The following FSTL5 variants were observed in gnomAD, a reference collection of about 807,000 sequenced individuals.
FSTL5 encodes the protein follistatin like 5.
A neutral mutation model predicts 89.1 loss-of-function variants in FSTL5; 62 were observed. The observed-to-expected ratio is 0.70, with a 90% CI of 0.57 to 0.86. The LOEUF is 0.86. Ranked by LOEUF, FSTL5 falls within the 40% of genes least tolerant of loss-of-function variation. The pLI, the probability that FSTL5 is intolerant of heterozygous loss-of-function variation, is 0.00. For synonymous variants in FSTL5, 383 were observed against 346.2 expected (o/e 1.11, Z -1.18); for missense variants, 1,057 against 1,001.6 (o/e 1.06, Z -0.75).
At chr4:161,415,321 T>A (rs565246876) in intron 15 of FSTL5, among the ~76,000 whole-genome samples, 7 of 152,130 alleles carry the variant, frequency 4.6e-5, no homozygotes, top group African/African-American at 1.4e-4. Context: ...AATGATGCAA[T>A]CTCTGCTCAC....
chr4:162,034,058 T>G (rs1193173423), intron 2 of FSTL5, among the ~76,000 whole-genome samples: 1 of 152,086 alleles, frequency 6.6e-6, no homozygotes, highest in Admixed American at 6.6e-5. Context: ...TGCCTCAGCC[T>G]CTCAAAATGC....
intron 4 of FSTL5, among the ~76,000 whole-genome samples, chr4:161,892,204 C>T (rs899244802): frequency 6.6e-6 from 1 of 151,934 alleles, no homozygotes; most frequent in Non-Finnish European, 1.5e-5. Flanking sequence ...AACCTCCATA[C>T]GACAATAAAT....
chr4:161,982,930 ATC>A (rs1425651694), intron 3 of FSTL5, among the ~76,000 whole-genome samples: 1 of 152,184 alleles, frequency 6.6e-6, no homozygotes, highest in East Asian at 1.9e-4. Context: ...TATACTATGC[ATC>A]TCCTAGGTTT....
intron 6 of FSTL5, among the ~76,000 whole-genome samples, chr4:161,662,731 A>G (rs926133804): frequency 6.6e-6 from 1 of 152,210 alleles, no homozygotes; most frequent in African/African-American, 2.4e-5. Flanking sequence ...TGTAAAAGAC[A>G]CCAATCAATA....
chr4:162,145,443 C>A (rs1158004536), intron 1 of FSTL5, among the ~76,000 whole-genome samples: 1 of 151,970 alleles, frequency 6.6e-6, no homozygotes, highest in African/African-American at 2.4e-5. Context: ...AAGCAATTCC[C>A]AAATCTCAGG....
rs936347763 is a variant in FSTL5, at chr4:161,474,596, A to G, written c.1608+6424T>C. 4.8e-5 allele frequency among the ~76,000 whole-genome samples: 7 copies of G among 147,252 alleles called. No homozygotes were observed. The South Asian group carries it at 1.6e-3, about 33-fold the overall frequency. ...AGTCTCGCTCTCTCGCTCAGGCTGG[A>G]GTGCAGTGGCAGGATCTCGGTTCAC... is the stretch of plus-strand genomic sequence containing the variant. On this transcript the variant is annotated intron_variant, in intron 13 of 15. Transcript: ENST00000306100.
intron 6 of FSTL5, among the ~76,000 whole-genome samples, chr4:161,703,890 C>T (rs1047801961): frequency 2.6e-4 from 39 of 152,136 alleles, no homozygotes; most frequent in African/African-American, 8.4e-4. Context: ...TAGCTTTGTA[C>T]GTTAAAAACA....
chr4:161,964,170 G>A (rs1326468683), intron 3 of FSTL5, among the ~76,000 whole-genome samples: 2 of 151,864 alleles, frequency 1.3e-5, no homozygotes, highest in Admixed American at 6.6e-5. Flanking sequence ...AAATTGAGGT[G>A]GCTTTTATTG....
At chr4:162,153,413 G>A (rs1733306659) in intron 1 of FSTL5, among the ~76,000 whole-genome samples, 1 of 151,324 alleles carries the variant, frequency 6.6e-6, no homozygotes, top group South Asian at 2.1e-4. Context: ...ATCAATGCCA[G>A]ATATTATATT....
At chr4:161,875,592 G>A (rs910276458) in intron 4 of FSTL5, among the ~76,000 whole-genome samples, 2 of 152,158 alleles carry the variant, frequency 1.3e-5, no homozygotes, top group African/African-American at 4.8e-5. Context: ...CACTGGTCGG[G>A]TCCGCTCGCA....
intron 2 of FSTL5, among the ~76,000 whole-genome samples, chr4:162,071,483 C>G (rs529088948): frequency 6.6e-6 from 1 of 151,602 alleles, no homozygotes; most frequent in African/African-American, 2.4e-5. Flanking sequence ...CCAAAGCACC[C>G]CGACATATAA....
Position 161,821,408 on chromosome 4 carries a change from TA to T in FSTL5, c.410-45335del, listed in dbSNP as rs1360978339. On this transcript the variant is annotated intron_variant, in intron 4 of 15. Transcript: ENST00000306100. Reference sequence around the variant, plus strand: ...ATTCCATACTAAGTTCTTATTTGATTAAAAAAAAGTTCTTTATTATTATTTT... The same window carrying T: ...ATTCCATACTAAGTTCTTATTTGATTAAAAAAAGTTCTTTATTATTATTTT... Among the ~76,000 whole-genome samples, 28 of 152,104 alleles carry T rather than the reference TA, an allele frequency of 1.8e-4. 1 individual carries two copies. In the South Asian group the frequency reaches 5.0e-3, roughly 27 times the overall value.
chr4:161,838,308 G>A (rs1731106990), intron 4 of FSTL5, among the ~76,000 whole-genome samples: 1 of 152,104 alleles, frequency 6.6e-6, no homozygotes, highest in Non-Finnish European at 1.5e-5. Context: ...ATATTAAAAT[G>A]TTTTCTGCTG....
At chr4:161,484,386 A>G (rs1448201212) in intron 12 of FSTL5, among the ~76,000 whole-genome samples, 1 of 152,166 alleles carries the variant, frequency 6.6e-6, no homozygotes, top group Non-Finnish European at 1.5e-5. Flanking sequence ...AGATGTGTCC[A>G]CTACTCCTTA....
chr4:162,073,942 G>C (rs542689825), intron 2 of FSTL5, among the ~76,000 whole-genome samples: 1 of 151,760 alleles, frequency 6.6e-6, no homozygotes, highest in South Asian at 2.1e-4. Flanking sequence ...TTGGCAATAG[G>C]AAGTAATACA....
At chr4:161,513,280 A>G (rs1375745073) in intron 10 of FSTL5, among the ~76,000 whole-genome samples, 1 of 63,840 alleles carries the variant, frequency 1.6e-5, no homozygotes, top group Non-Finnish European at 4.1e-5. Flanking sequence ...GGGGAGAGAG[A>G]GAGAGAGAGA....
At chr4:161,657,142 A>G (rs1736547004) in intron 6 of FSTL5, among the ~76,000 whole-genome samples, 1 of 152,186 alleles carries the variant, frequency 6.6e-6, no homozygotes, top group South Asian at 2.1e-4. Context: ...CAAAGTACAC[A>G]TTTCTGTCTA....
chr4:161,395,766 G>T (rs558587274), intron 15 of FSTL5, among the ~76,000 whole-genome samples: 3 of 152,224 alleles, frequency 2.0e-5, no homozygotes, highest in Non-Finnish European at 4.4e-5. Flanking sequence ...AAAGACCAGT[G>T]AAATAAATAG....
chr4:162,010,051 T>G (rs1560968246), intron 3 of FSTL5, among the ~76,000 whole-genome samples: 1 of 151,966 alleles, frequency 6.6e-6, no homozygotes. Context: ...TGAACATAAG[T>G]AGAGATTCTG....
Sources: gnomAD v4.1 joint callset for allele counts (sites outside exome capture counted in the v4.1 genomes callset) on GRCh38, gnomAD v4.1.1 for gene constraint, MANE v1.5 for transcripts, NCBI Gene and HGNC (gene_info 2026-07-23, HGNC 2026-07-21) for gene names.